Variants in ESRRG observed in about 807,000 individuals in gnomAD.
ESRRG encodes the protein estrogen-related receptor gamma.
ESRRG carries 13 observed loss-of-function variants against 44.0 expected under a neutral mutation model. The ratio of observed to expected loss-of-function variants is 0.30; its 90% CI spans 0.19 to 0.47. The LOEUF (loss-of-function observed/expected upper bound fraction) is 0.47. ESRRG is among the 20% of genes least tolerant of loss of function. The pLI, the probability that ESRRG is intolerant of heterozygous loss-of-function variation, is 1.00. For missense variants in ESRRG, 395 were observed against 580.6 expected, an observed-to-expected ratio of 0.68 and a Z score of 3.29; for synonymous variants, 215 against 214.6, an observed-to-expected ratio of 1.00 and a Z score of -0.02.
At chr1:216,894,307 C>A (rs2058161402) in intron 2 of ESRRG, among the ~76,000 whole-genome samples, 2 of 152,260 alleles carry the variant, frequency 1.3e-5, no homozygotes, top group South Asian at 4.1e-4. Context: ...GCCTTAAAGC[C>A]AATGCTCAAT....
At position 216,882,522 on chromosome 1, in the gene ESRRG, T is replaced by C. The variant is rs114003639; in HGVS notation, c.-14+57060A>G. On this transcript the variant is annotated intron_variant, in intron 2 of 7. Coordinates refer to the ESRRG transcript ENST00000359162. Reference sequence around the variant, plus strand: ...GAATAAATAAACAAAATACAGACTGTGTCCCAGTAAGACCATCAAAATGGA... The same window carrying C: ...GAATAAATAAACAAAATACAGACTGCGTCCCAGTAAGACCATCAAAATGGA... Among the ~76,000 whole-genome samples the C allele has an allele frequency of 9.7e-3, 1,476 of 152,310 alleles. 22 individuals are homozygous for C. Among genetic ancestry groups the C allele is most frequent in the African/African-American group, 0.033 (1,371 of 41,576 alleles).
chr1:217,129,886 G>A (rs564597253), intron 1 of ESRRG, among the ~76,000 whole-genome samples: 5 of 152,056 alleles, frequency 3.3e-5, no homozygotes, highest in Admixed American at 2.6e-4. Context: ...AGATGGCGAC[G>A]AAGGTTGCAC....
At chr1:216,804,653 T>C (rs1046963467) in intron 2 of ESRRG, among the ~76,000 whole-genome samples, 2 of 152,056 alleles carry the variant, frequency 1.3e-5, no homozygotes, top group East Asian at 1.9e-4. Context: ...TTTTTTTTTT[T>C]AAATGACCAA....
intron 1 of ESRRG, among the ~76,000 whole-genome samples, chr1:217,027,502 T>TA (rs1377442533): frequency 6.6e-6 from 1 of 152,196 alleles, no homozygotes; most frequent in Non-Finnish European, 1.5e-5. Flanking sequence ...GTTGTACACT[T>TA]AATTGCTCTT....
chr1:216,757,115 A>T lies in ESRRG; in HGVS notation c.-13-79624T>A, dbSNP rs553872776. Among the ~76,000 whole-genome samples the T allele has an allele frequency of 2.6e-3, 403 of 152,132 alleles. 2 individuals carry two copies. Among genetic ancestry groups the T allele is most frequent in the Non-Finnish European group, 2.9e-3 (197 of 67,980 alleles). ...ATGCTTTGCTCTAAACAATTCACTA[A>T]TTCAGACTGTAAATCTTTATTATAA... On this transcript the variant is annotated intron_variant, in intron 2 of 7. Transcript: ENST00000359162.
intron 3 of ESRRG, among the ~76,000 whole-genome samples, chr1:216,615,223 A>C (rs2061256626): frequency 6.6e-6 from 1 of 152,156 alleles, no homozygotes; most frequent in Non-Finnish European, 1.5e-5. Context: ...GTTGACCACA[A>C]ACCTTTAGGC....
intron 3 of ESRRG, among the ~76,000 whole-genome samples, chr1:216,593,660 T>C (rs1368396190): frequency 6.6e-6 from 1 of 152,244 alleles, no homozygotes; most frequent in African/African-American, 2.4e-5. Context: ...CTGGCAAATG[T>C]TAAGTCAAAA....
chr1:216,552,709 G>A lies in ESRRG; in HGVS notation c.862+11510C>T, dbSNP rs571312462. ...ATGGTGCCTCCCCTTAAAATACAAA[G>A]GTCTAGCAAATTATCTCCAAAGGCC... On this transcript the variant is annotated intron_variant, in intron 5 of 6. Coordinates refer to ENST00000408911, the MANE Select transcript of ESRRG (RefSeq NM_001438.4). Among the ~76,000 whole-genome samples the A allele has an allele frequency of 2.0e-5, 3 of 152,000 alleles. No homozygotes were observed. The East Asian group carries it at 5.8e-4, about 29-fold the overall frequency.
chr1:216,595,522 A>T (rs747132651), intron 3 of ESRRG, among the ~76,000 whole-genome samples: 8 of 152,258 alleles, frequency 5.3e-5, no homozygotes, highest in Non-Finnish European at 8.8e-5. Flanking sequence ...TCAAAAAATA[A>T]ACTGCTAGTA....
intron 2 of ESRRG, among the ~76,000 whole-genome samples, chr1:216,788,483 C>T (rs753531919): frequency 6.6e-6 from 1 of 152,080 alleles, no homozygotes; most frequent in Middle Eastern, 3.2e-3. Context: ...ACTGTTGAGG[C>T]CTTCTTAGAA....
intron 1 of ESRRG, among the ~76,000 whole-genome samples, chr1:217,053,904 T>C (rs17045087): frequency 0.061 from 9,336 of 152,156 alleles, 326 homozygotes; most frequent in African/African-American, 0.082. Flanking sequence ...ACAAAGGCTC[T>C]TGTGTATGGT....
intron 2 of ESRRG, among the ~76,000 whole-genome samples, chr1:216,794,425 C>A (rs1183853714): frequency 6.6e-6 from 1 of 152,114 alleles, no homozygotes; most frequent in Non-Finnish European, 1.5e-5. Context: ...CTGATAGATA[C>A]TTCATAGTAT....
At position 216,577,068 on chromosome 1, in the gene ESRRG, A is replaced by G. The variant is rs145427031; in HGVS notation, c.590-8970T>C. On this transcript the variant is annotated intron_variant, in intron 3 of 6. Coordinates refer to ENST00000408911, the MANE Select transcript of ESRRG (RefSeq NM_001438.4). ...AAAGAAAAGGGGCATCCAGAACATTACATTAAACATGCAATACCTACCATT... is the reference window on the plus strand; with the variant it reads ...AAAGAAAAGGGGCATCCAGAACATTGCATTAAACATGCAATACCTACCATT... Among the ~76,000 whole-genome samples the G allele has an allele frequency of 7.4e-3, 1,125 of 152,146 alleles. 10 individuals are homozygous for G. Among genetic ancestry groups the G allele is most frequent in the Middle Eastern group, 0.017 (5 of 294 alleles).
At chr1:216,829,864 C>T (rs530236897) in intron 2 of ESRRG, among the ~76,000 whole-genome samples, 2 of 152,148 alleles carry the variant, frequency 1.3e-5, no homozygotes, top group Admixed American at 6.6e-5. Flanking sequence ...TGAAATGCCA[C>T]GTTCTTAACC....
At chr1:216,687,435 T>C (rs1260395434) in intron 1 of ESRRG, among the ~76,000 whole-genome samples, 1 of 152,202 alleles carries the variant, frequency 6.6e-6, no homozygotes, top group Non-Finnish European at 1.5e-5. Context: ...TACCAACTGT[T>C]AGTTGCTCGC....
At chr1:216,768,450 T>TTATCTATCTATCTATCTATCTATC in intron 2 of ESRRG, among the ~76,000 whole-genome samples, 1 of 114,762 alleles carries the variant, frequency 8.7e-6, no homozygotes, top group Admixed American at 8.1e-5. Context: ...CTATCTATCA[T>TTATCTATCTATCTATCTATCTATC]TATCTATCTA....
chr1:217,063,857 T>C (rs1056747740), intron 1 of ESRRG, among the ~76,000 whole-genome samples: 1 of 152,096 alleles, frequency 6.6e-6, no homozygotes, highest in African/African-American at 2.4e-5. Context: ...ATTCAAACTT[T>C]GTGGTTCTCA....
intron 2 of ESRRG, among the ~76,000 whole-genome samples, chr1:216,844,479 C>T (rs1448312497): frequency 1.3e-5 from 2 of 152,054 alleles, no homozygotes; most frequent in Non-Finnish European, 2.9e-5. Flanking sequence ...TCTTCCTGCT[C>T]AGCTCTGATG....
chr1:216,784,737 C>T (rs10863271), intron 2 of ESRRG, among the ~76,000 whole-genome samples: 3,558 of 151,976 alleles, frequency 0.023, 145 homozygotes, highest in African/African-American at 0.081. Context: ...CTCCCTTTTG[C>T]CCCAAACCCC....
Sources: allele counts gnomAD v4.1 joint callset (sites outside exome capture counted in the v4.1 genomes callset), GRCh38; gene constraint gnomAD v4.1.1; transcripts MANE v1.5; gene names NCBI Gene and HGNC (gene_info 2026-07-23, HGNC 2026-07-21).